The following ZNF284 variants were observed in gnomAD, a reference collection of about 807,000 sequenced individuals.
ZNF284 encodes the protein zinc finger protein 284.
A neutral mutation model predicts 12.9 loss-of-function variants in ZNF284; 12 were observed. That is an observed-to-expected ratio of 0.93 (90% CI 0.60 to 1.51). The LOEUF (loss-of-function observed/expected upper bound fraction) is 1.51. Among genes scored for constraint, ZNF284 ranks in the 40% most tolerant of loss-of-function variants. ZNF284 has a pLI of 0.00. For missense variants in ZNF284, 667 were observed against 707.3 expected (o/e 0.94, Z 0.65); for synonymous variants, 225 against 236.5 (o/e 0.95, Z 0.45).
At chr19:44,084,377 G>A (rs775087776) in intron 4 of ZNF284, among the ~76,000 whole-genome samples, 3 of 152,166 alleles carry the variant, frequency 2.0e-5, no homozygotes, top group Non-Finnish European at 4.4e-5. Context: ...TCCTGTGCAC[G>A]GGCACAGGTT....
In ZNF284 at chr19:44,076,365, C is replaced by A; in HGVS notation, c.-25C>A. The A allele has an allele frequency of 6.2e-7, 1 of 1,608,908 alleles. No individual in the cohort carries two copies. ...TTGAACTGCATAACTGAGAACTCTG[C>A]AAATTCCCCAAAGAAGGAGGAAAAA... On this transcript the variant is annotated 5_prime_UTR_variant, in exon 2 of 5. Transcript: ENST00000421176.
At chr19:44,084,046 C>T (rs1967182393) in intron 4 of ZNF284, among the ~76,000 whole-genome samples, 1 of 152,184 alleles carries the variant, frequency 6.6e-6, no homozygotes, top group Non-Finnish European at 1.5e-5. Flanking sequence ...ATGCTCATGC[C>T]TGGGGCAACC....
rs961383812 is a variant in ZNF284, at chr19:44,087,191, C to T, written c.1713C>T (p.Asp571=). 1 of 1,612,770 alleles carries T rather than the reference C, an allele frequency of 6.2e-7. No individual in the cohort carries two copies. Among genetic ancestry groups the T allele is most frequent in the Non-Finnish European group, 8.5e-7 (1 of 1,179,212 alleles). Reference sequence around the variant, plus strand: ...GAGAAAAAACATCCAAATGTGAGGACTGTGGGAAGCGCTACGAGAGGCGCT... The same window carrying T: ...GAGAAAAAACATCCAAATGTGAGGATTGTGGGAAGCGCTACGAGAGGCGCT... ...HSGEKTSKCE[D]CGKRYERRLN... is the part of the protein sequence containing the mutation. Residue 571 remains aspartate, a synonymous_variant, in exon 5 of 5, where the codon GAC becomes GAT. Coordinates refer to ENST00000421176, the MANE Select transcript of ZNF284 (RefSeq NM_001037813.4).
chr19:44,076,296 T>G (rs1412373483), intron 1 of ZNF284, 26 bp from the exon 2 acceptor site: 2 of 1,333,682 alleles, frequency 1.5e-6, no homozygotes, highest in Non-Finnish European at 2.1e-6. Flanking sequence ...TCTTTTTTTT[T>G]TTTTGCCTTC....
rs575938042 is a variant in ZNF284 at position 44,089,293 on chromosome 19, A to G, written c.*2033A>G. ...AGGCATGGACCACCACCCCTGATTG[A>G]TCTTCTTTAGTTTCTATAACAAAAT... On this transcript the variant is annotated 3_prime_UTR_variant, in exon 5 of 5. Transcript: ENST00000421176. The G allele has an allele frequency of 6.6e-6, 1 of 151,988 alleles. No individual in the cohort carries two copies. Among genetic ancestry groups the G allele is most frequent in the South Asian group, 2.1e-4 (1 of 4,800 alleles). The allele number at this position is 151,988 out of a possible 1,614,324, so 9.4% of individuals were successfully genotyped here.
In ZNF284 at chr19:44,086,817, A is replaced by AC; in HGVS notation, c.1339_1340insC (p.Arg447ThrfsTer10). 6.2e-7 allele frequency: 1 copy of AC among 1,614,154 alleles called. No homozygotes were observed. The highest frequency in any genetic ancestry group is 1.1e-5 in the South Asian group (1 of 91,074). On this transcript the variant is annotated frameshift_variant, in exon 5 of 5. Transcript: ENST00000421176. LOFTEE classifies it low-confidence loss of function (END_TRUNC). ...TAAGTTTAATCTTGACTTGCACCAG[A>AC]GGGTCCACACGGGAGAGAGACCTTA...
intron 2 of ZNF284, among the ~76,000 whole-genome samples, chr19:44,080,502 C>G (rs1365477294): frequency 6.6e-6 from 1 of 152,160 alleles, no homozygotes; most frequent in Non-Finnish European, 1.5e-5. Context: ...AGGAGAATTG[C>G]TTGAATCCAG....
chr19:44,087,540 A>T lies in ZNF284; in HGVS notation c.*280A>T, dbSNP rs1243489329. 6.5e-6 allele frequency: 1 copy of T among 155,038 alleles called. No homozygotes were observed. The highest frequency in any genetic ancestry group is 2.9e-5 in the African/African-American group (1 of 34,148). The allele number at this position is 155,038 out of a possible 1,614,324, so 9.6% of individuals were successfully genotyped here. A position where few individuals can be genotyped will look rare whatever the true frequency, so the allele number is the denominator to read the frequency against. ...TCTGTTAACGAATCTTTCATCATCC[A>T]CCCTCTCTCCTACTTTTCCCTTCTA... is the stretch of plus-strand genomic sequence containing the variant. On this transcript the variant is annotated 3_prime_UTR_variant, in exon 5 of 5. Transcript: ENST00000421176.
intron 4 of ZNF284, among the ~76,000 whole-genome samples, chr19:44,083,499 AGAGG>A (rs1447111111): frequency 0.035 from 2,520 of 71,560 alleles, 527 homozygotes; most frequent in Non-Finnish European, 0.063. Flanking sequence ...AGAGAGAGAG[AGAGG>A]GAATGGAATA....
chr19:44,077,248 T>C (rs1296022944), intron 2 of ZNF284, among the ~76,000 whole-genome samples: 1 of 152,262 alleles, frequency 6.6e-6, no homozygotes, highest in Non-Finnish European at 1.5e-5. Flanking sequence ...CAGCAGGCTG[T>C]AACTGTGGCT....
intron 3 of ZNF284, among the ~76,000 whole-genome samples, chr19:44,081,639 G>C (rs1967127162): frequency 6.6e-6 from 1 of 152,098 alleles, no homozygotes; most frequent in Non-Finnish European, 1.5e-5. Flanking sequence ...GTGAACCTGG[G>C]AGGCGGAGCT....
At chr19:44,081,939 T>C (rs1450188400) in intron 3 of ZNF284, 74 bp from the exon 4 acceptor site, 12 of 1,183,202 alleles carry the variant, frequency 1.0e-5, no homozygotes, top group Non-Finnish European at 1.4e-5. Context: ...AGTTCGAGTG[T>C]GCAGTGAGAA....
chr19:44,081,212 T>TGTATCC, intron 3 of ZNF284, 71 bp downstream of exon 3: 1 of 1,520,948 alleles, frequency 6.6e-7, no homozygotes, highest in Non-Finnish European at 8.9e-7. Context: ...GGTGTTTGTG[T>TGTATCC]TAGTTTGTTC....
chr19:44,074,049 T>C (rs1364892586), intron 1 of ZNF284, among the ~76,000 whole-genome samples: 1 of 152,038 alleles, frequency 6.6e-6, no homozygotes, highest in Non-Finnish European at 1.5e-5. Flanking sequence ...TCATTTTTTT[T>C]TTGGTAAATG....
At position 44,076,382 on chromosome 19, in the gene ZNF284, G is replaced by A; in HGVS notation, c.-8G>A. 6.2e-7 allele frequency: 1 copy of A among 1,609,826 alleles called. No individual in the cohort carries two copies. The highest frequency in any genetic ancestry group is 8.5e-7 in the Non-Finnish European group (1 of 1,177,784). On this transcript the variant is annotated 5_prime_UTR_variant, in exon 2 of 5. Coordinates refer to ENST00000421176, the MANE Select transcript of ZNF284 (RefSeq NM_001037813.4). ...GAACTCTGCAAATTCCCCAAAGAAG[G>A]AGGAAAAATGACCATGTTCAAGGTG... is the stretch of plus-strand genomic sequence containing the variant.
At position 44,081,051 on chromosome 19, in the gene ZNF284, A is replaced by G. The variant is rs1383049351; in HGVS notation, c.52A>G (p.Thr18Ala). The G allele has an allele frequency of 2.5e-6, 4 of 1,612,758 alleles. No individual in the cohort carries two copies. The African/African-American group carries it at 4.0e-5, about 16-fold the overall frequency. The part of the protein sequence containing the change: ...VTFKDVAVVF[T>A]EEELGLLDVS... ...CTTCAAGGATGTGGCTGTGGTCTTC[A>G]CCGAGGAGGAGCTGGGGCTGCTGGA... The change falls in exon 3 of 5, where the codon ACC becomes GCC. Residue 18 changes from threonine (T) to alanine (A), a missense_variant. By Grantham distance (58) the Thr-to-Ala change is moderately conservative. Transcript: ENST00000421176.
rs1967273144 is a variant in ZNF284, at chr19:44,087,159, C to T, written c.1681C>T (p.His561Tyr). The T allele has an allele frequency of 1.2e-6, 2 of 1,614,006 alleles. No individual in the cohort carries two copies. The highest frequency in any genetic ancestry group is 2.7e-5 in the African/African-American group (2 of 75,016). ...SSCLQDQQSD[H>Y]SGEKTSKCED... ...ATGCCTTCAAGACCAACAAAGCGAC[C>T]ACAGTGGAGAAAAAACATCCAAATG... The change falls in exon 5 of 5, where the codon CAC becomes TAC. Residue 561 changes from histidine to tyrosine, a missense_variant. By Grantham distance (83) the His-to-Tyr change is moderately conservative. Coordinates refer to ENST00000421176, the MANE Select transcript of ZNF284 (RefSeq NM_001037813.4).
intron 1 of ZNF284, among the ~76,000 whole-genome samples, chr19:44,072,504 A>T (rs192609828): frequency 3.3e-4 from 50 of 152,230 alleles, no homozygotes; most frequent in African/African-American, 1.1e-3. Context: ...TAGGGTTGGG[A>T]TGTTATTAAT....
At chr19:44,082,932 A>G (rs1967151454) in intron 4 of ZNF284, among the ~76,000 whole-genome samples, 1 of 152,160 alleles carries the variant, frequency 6.6e-6, no homozygotes, top group South Asian at 2.1e-4. Flanking sequence ...TTGCTATATA[A>G]CATAACAGGT....
Sources: gnomAD v4.1 joint callset for allele counts (sites outside exome capture counted in the v4.1 genomes callset) on GRCh38, gnomAD v4.1.1 for gene constraint, MANE v1.5 for transcripts, NCBI Gene and HGNC (gene_info 2026-07-23, HGNC 2026-07-21) for gene names.